XYLT1: variants seen among roughly 807,000 people sequenced by gnomAD.
XYLT1 encodes beta-D-xylosyltransferase 1.
In XYLT1, 36 loss-of-function variants were observed where a neutral mutation model predicts 91.3. That is an observed-to-expected ratio of 0.39 (90% CI 0.30 to 0.52). The LOEUF (loss-of-function observed/expected upper bound fraction) is 0.52. XYLT1 is among the 20% of genes least tolerant of loss of function. The pLI is 0.68. For missense variants in XYLT1, 1,242 were observed against 1,284.5 expected (o/e 0.97, Z 0.51); for synonymous variants, 588 against 532.0 (o/e 1.11, Z -1.45).
intron 1 of XYLT1, among the ~76,000 whole-genome samples, chr16:17,406,411 C>T (rs1428160577): frequency 1.3e-5 from 2 of 152,372 alleles, no homozygotes; most frequent in Admixed American, 6.5e-5. Context: ...CCTCTCTGTG[C>T]TCCAGTGAGG....
intron 6 of XYLT1, among the ~76,000 whole-genome samples, chr16:17,147,666 T>C (rs2031170710): frequency 6.6e-6 from 1 of 152,098 alleles, no homozygotes; most frequent in African/African-American, 2.4e-5. Context: ...CAGGGGTGAA[T>C]GGGGACTTAA....
chr16:17,210,047 C>T lies in XYLT1; in HGVS notation c.914-9393G>A, dbSNP rs545468052. Among the ~76,000 whole-genome samples, 3 of 152,214 alleles carry T rather than the reference C, an allele frequency of 2.0e-5. No homozygotes were observed. The South Asian group carries it at 6.2e-4, about 32-fold the overall frequency. ...GTAGCTGGGACTAGAGGCATGAACA[C>T]CACACCTGGCTAATTAAATATATAT... On this transcript the variant is annotated intron_variant, in intron 3 of 11. Transcript: ENST00000261381.
intron 10 of XYLT1, among the ~76,000 whole-genome samples, chr16:17,123,652 C>T (rs556707748): frequency 3.3e-5 from 5 of 152,218 alleles, no homozygotes; most frequent in South Asian, 4.1e-4. Context: ...ATTCTGCAGT[C>T]GTTGGGTAAA....
intron 2 of XYLT1, among the ~76,000 whole-genome samples, chr16:17,318,578 G>A (rs1008903916): frequency 3.3e-5 from 5 of 152,182 alleles, no homozygotes; most frequent in African/African-American, 7.2e-5. Flanking sequence ...AAAATGCAAC[G>A]TCATGCAATC....
chr16:17,109,087 G>T, intron 11 of XYLT1, 70 bp from the exon 12 acceptor site: 1 of 1,426,072 alleles, frequency 7.0e-7, no homozygotes, highest in Non-Finnish European at 9.3e-7. Context: ...TACTTACCCT[G>T]TGCCTGGTGC....
rs3812962 is a variant in XYLT1 at position 17,128,044 on chromosome 16, A to G, written c.2028-183T>C. Among the ~76,000 whole-genome samples, 52,313 of 152,040 alleles carry G rather than the reference A, an allele frequency of 0.34. 10,918 individuals carry two copies. The highest frequency in any genetic ancestry group is 0.48 in the Non-Finnish European group (32,345 of 67,950). On this transcript the variant is annotated intron_variant, in intron 9 of 11. Coordinates refer to ENST00000261381, the MANE Select transcript of XYLT1 (RefSeq NM_022166.4). The stretch of plus-strand genomic sequence containing the variant: ...TGAATACTTTTTTCTTCTGCTGATT[A>G]TGAATGAAAAACATGCTGACTGTAG...
intron 1 of XYLT1, among the ~76,000 whole-genome samples, chr16:17,377,544 C>T (rs898519091): frequency 2.6e-5 from 4 of 151,854 alleles, no homozygotes; most frequent in African/African-American, 9.7e-5. Context: ...AAGCTTATCA[C>T]CCCAACCCCA....
At chr16:17,214,814 A>G (rs2032825389) in intron 3 of XYLT1, among the ~76,000 whole-genome samples, 1 of 152,086 alleles carries the variant, frequency 6.6e-6, no homozygotes. Flanking sequence ...AAATGACTAC[A>G]TTTTCTCTTC....
chr16:17,232,449 A>AT (rs2033179727), intron 3 of XYLT1, among the ~76,000 whole-genome samples: 1 of 125,132 alleles, frequency 8.0e-6, no homozygotes, highest in Admixed American at 9.7e-5. Flanking sequence ...ATATATATAT[A>AT]CATATATATA....
At chr16:17,464,026 TA>T (rs961513856) in intron 1 of XYLT1, among the ~76,000 whole-genome samples, 6 of 151,994 alleles carry the variant, frequency 3.9e-5, no homozygotes, top group Non-Finnish European at 7.4e-5. Flanking sequence ...ATGTAGGAGC[TA>T]AAAAAAGTAG....
At chr16:17,199,670 C>T (rs527939153) in intron 4 of XYLT1, among the ~76,000 whole-genome samples, 179 of 152,188 alleles carry the variant, frequency 1.2e-3, no homozygotes, top group African/African-American at 4.0e-3. Flanking sequence ...GGTTTTACAC[C>T]GGGAAACTTC....
chr16:17,470,372 G>A lies in XYLT1; in HGVS notation c.363+62C>T, dbSNP rs2036968957. The A allele has an allele frequency of 2.5e-6, 3 of 1,209,260 alleles. No individual in the cohort carries two copies. In the South Asian group the frequency reaches 1.3e-4, roughly 51 times the overall value. The allele number at this position is 1,209,260 out of a possible 1,614,324, so 74.9% of individuals were successfully genotyped here. A position where few individuals can be genotyped will look rare whatever the true frequency, so the allele number is the denominator to read the frequency against. Reference sequence around the variant, plus strand: ...GACCGAGTTCAAGGGCTAGGGGGGCGTGGGGTCGGGCTGCCTTCCTCCCTC... The same window carrying A: ...GACCGAGTTCAAGGGCTAGGGGGGCATGGGGTCGGGCTGCCTTCCTCCCTC... On this transcript the variant is annotated intron_variant, in intron 1 of 11. Transcript: ENST00000261381.
chr16:17,268,226 A>G (rs1454149065), intron 2 of XYLT1, among the ~76,000 whole-genome samples: 1 of 152,216 alleles, frequency 6.6e-6, no homozygotes, highest in Non-Finnish European at 1.5e-5. Flanking sequence ...AGAGATTTGC[A>G]AAAAATGTAA....
At chr16:17,158,746 A>C in intron 6 of XYLT1, 83 bp downstream of exon 6, 1 of 1,483,824 alleles carries the variant, frequency 6.7e-7, no homozygotes, top group Non-Finnish European at 9.4e-7. Flanking sequence ...CTGTGGCTGC[A>C]TGAAACCAGC....
intron 2 of XYLT1, among the ~76,000 whole-genome samples, chr16:17,344,258 G>A (rs1239769864): frequency 1.7e-4 from 25 of 151,482 alleles, no homozygotes; most frequent in Non-Finnish European, 2.5e-4. Flanking sequence ...CAAGGCGGGC[G>A]GATCACGAGG....
intron 1 of XYLT1, among the ~76,000 whole-genome samples, chr16:17,403,699 CTT>C (rs1276832605): frequency 1.3e-5 from 2 of 152,306 alleles, no homozygotes; most frequent in East Asian, 3.9e-4. Flanking sequence ...CAAGAAGAGA[CTT>C]GGGTGTGAAC....
chr16:17,398,532 G>A (rs2035919456), intron 1 of XYLT1, among the ~76,000 whole-genome samples: 1 of 152,134 alleles, frequency 6.6e-6, no homozygotes, highest in Admixed American at 6.5e-5. Flanking sequence ...CTTGGATGAT[G>A]TATTCGTTTC....
chr16:17,396,147 G>A (rs914675859), intron 1 of XYLT1, among the ~76,000 whole-genome samples: 9 of 151,956 alleles, frequency 5.9e-5, no homozygotes, highest in Admixed American at 1.3e-4. Context: ...ACAATGCAAC[G>A]TTTGTATCTA....
At chr16:17,373,265 T>C (rs2035558717) in intron 1 of XYLT1, among the ~76,000 whole-genome samples, 2 of 152,190 alleles carry the variant, frequency 1.3e-5, no homozygotes, top group Non-Finnish European at 2.9e-5. Flanking sequence ...TCCCAAGTTG[T>C]GGCGTCTGAG....
Sources: gnomAD v4.1 joint callset for allele counts (sites outside exome capture counted in the v4.1 genomes callset) on GRCh38, gnomAD v4.1.1 for gene constraint, MANE v1.5 for transcripts, NCBI Gene and HGNC (gene_info 2026-07-23, HGNC 2026-07-21) for gene names.